Variants in DIP2B observed in about 807,000 individuals in gnomAD.
DIP2B encodes the protein DIP2 acetate--CoA ligase B (putative).
A neutral mutation model predicts 198.0 loss-of-function variants in DIP2B; 76 were observed. The ratio of observed to expected loss-of-function variants is 0.38; its 90% CI spans 0.32 to 0.46. DIP2B has a LOEUF of 0.46. Among genes scored for constraint, DIP2B ranks in the 20% least tolerant of loss-of-function variants. The pLI, the probability that DIP2B is intolerant of heterozygous loss-of-function variation, is 0.99. For missense variants in DIP2B, 1,559 were observed against 1,978.4 expected (o/e 0.79, Z 4.02); for synonymous variants, 701 against 739.1 (o/e 0.95, Z 0.84).
chr12:50,578,439 A>G (rs1227215605), intron 1 of DIP2B, among the ~76,000 whole-genome samples: 3 of 152,044 alleles, frequency 2.0e-5, no homozygotes, highest in Admixed American at 1.3e-4. Context: ...TTCATTATAT[A>G]GAATCAAAAA....
chr12:50,742,952 ACT>A (rs1940279787), intron 37 of DIP2B, among the ~76,000 whole-genome samples: 1 of 151,824 alleles, frequency 6.6e-6, no homozygotes, highest in Non-Finnish European at 1.5e-5. Context: ...CCTGAACAAG[ACT>A]CTGACCAAGA....
chr12:50,542,164 C>T (rs1297795592), intron 1 of DIP2B, among the ~76,000 whole-genome samples: 4 of 147,204 alleles, frequency 2.7e-5, no homozygotes, highest in Non-Finnish European at 4.5e-5. Flanking sequence ...AGGAGAATGG[C>T]GTGAACCCGG....
At chr12:50,530,511 A>G (rs1958207294) in intron 1 of DIP2B, among the ~76,000 whole-genome samples, 1 of 152,180 alleles carries the variant, frequency 6.6e-6, no homozygotes, top group African/African-American at 2.4e-5. Flanking sequence ...CTTAGAGGAG[A>G]ATAGTTTCAG....
intron 35 of DIP2B, among the ~76,000 whole-genome samples, chr12:50,738,617 G>A (rs1940180246): frequency 6.6e-6 from 1 of 152,118 alleles, no homozygotes; most frequent in Non-Finnish European, 1.5e-5. Context: ...CTGTGTAGCT[G>A]GCATTACCAG....
In DIP2B at chr12:50,567,628, A is replaced by G. The variant is rs1039797295; in HGVS notation, c.101-58348A>G. On this transcript the variant is annotated intron_variant, in intron 1 of 37. Transcript: ENST00000301180. ...CTGCAACCTTTACCACCCGGGTTCA[A>G]GCAATTCTCCTGCTTCAGCCTCCCA... Among the ~76,000 whole-genome samples the G allele has an allele frequency of 2.6e-5, 4 of 152,278 alleles. No homozygotes were observed. The South Asian group carries it at 8.3e-4, about 32-fold the overall frequency.
chr12:50,646,592 T>C (rs531043533), intron 3 of DIP2B, among the ~76,000 whole-genome samples: 1 of 152,182 alleles, frequency 6.6e-6, no homozygotes, highest in African/African-American at 2.4e-5. Context: ...CAGCTAATTT[T>C]TGTATTTTTA....
chr12:50,709,459 C>G (rs1242233316), intron 22 of DIP2B, among the ~76,000 whole-genome samples: 1 of 151,470 alleles, frequency 6.6e-6, no homozygotes, highest in South Asian at 2.1e-4. Flanking sequence ...GGTGAAACCC[C>G]GTCTCTACTA....
intron 1 of DIP2B, among the ~76,000 whole-genome samples, chr12:50,597,441 CT>C (rs1565838709): frequency 6.6e-6 from 1 of 152,172 alleles, no homozygotes; most frequent in African/African-American, 2.4e-5. Flanking sequence ...AGCTATCTCA[CT>C]TTTTTGATTA....
In DIP2B at chr12:50,674,580, A is replaced by G. The variant is rs766670186; in HGVS notation, c.747A>G (p.Lys249=). The change falls in exon 6 of 38, where the codon AAA becomes AAG. Residue 249 remains lysine, a synonymous_variant. Coordinates refer to ENST00000301180, the MANE Select transcript of DIP2B (RefSeq NM_173602.3). ...ACCTGCCCCCCTCGGGGATAGTTAA[A>G]GGCATGCACAAAGGATCCAACAGGT... The part of the protein sequence containing the change: ...NIDLPPSGIV[K]GMHKGSNRSS... The G allele has an allele frequency of 9.9e-6, 16 of 1,614,108 alleles. No individual in the cohort carries two copies. Among genetic ancestry groups the G allele is most frequent in the Non-Finnish European group, 1.4e-5 (16 of 1,180,042 alleles).
rs72095442 is a variant in DIP2B at position 50,534,369 on chromosome 12, A to ATTTTTTTTTTTT, written c.100+29139_100+29150dup. Among the ~76,000 whole-genome samples the ATTTTTTTTTTTT allele has an allele frequency of 1.9e-5, 2 of 107,870 alleles. 1 individual carries two copies. Among genetic ancestry groups the ATTTTTTTTTTTT allele is most frequent in the African/African-American group, 7.2e-5 (2 of 27,704 alleles). The allele number at this position is 107,870 out of a possible 152,430, so 70.8% of individuals were successfully genotyped here. On this transcript the variant is annotated intron_variant, in intron 1 of 37. Transcript: ENST00000301180. ...GACTCTTTTTACACATTCTCATTTC[A>ATTTTTTTTTTTT]TTTTTTTTTTTTTTTTTTTTTGAGA...
chr12:50,720,644 C>A (rs1316442), intron 25 of DIP2B, among the ~76,000 whole-genome samples: 48,359 of 151,800 alleles, frequency 0.32, 7,879 homozygotes, highest in South Asian at 0.36. Context: ...CAGCCAGGCA[C>A]GGTGGCTCAT....
rs757327971 is a variant in DIP2B, at chr12:50,728,682, G to A, written c.3641+4G>A. The A allele has an allele frequency of 8.1e-6, 13 of 1,613,464 alleles. No homozygotes were observed. In the African/African-American group the frequency reaches 1.2e-4, roughly 15 times the overall value. On this transcript the variant is annotated splice_donor_region_variant and intron_variant, in intron 30 of 37. Transcript: ENST00000301180. The stretch of plus-strand genomic sequence containing the variant: ...TCGCGCTCTGGTGTCTCTGCAGGTA[G>A]GGATGGAAAAGCCAAGGAGACAGAA...
At position 50,675,318 on chromosome 12, in the gene DIP2B, T is replaced by G; in HGVS notation, c.797-11T>G. On this transcript the variant is annotated splice_polypyrimidine_tract_variant and intron_variant, in intron 6 of 37. Transcript: ENST00000301180. ...CAATGAATTTTAACTTAACCATTTT[T>G]TCCCTTATAGGTGTTCCTGTCAGTA... The G allele has an allele frequency of 6.2e-7, 1 of 1,608,312 alleles. No individual in the cohort carries two copies. Among genetic ancestry groups the G allele is most frequent in the Non-Finnish European group, 8.5e-7 (1 of 1,176,938 alleles).
intron 1 of DIP2B, among the ~76,000 whole-genome samples, chr12:50,531,168 C>T (rs940743880): frequency 2.6e-5 from 4 of 152,218 alleles, no homozygotes; most frequent in Non-Finnish European, 5.9e-5. Context: ...GCCTCAGCCT[C>T]CCGAGTAGCT....
At chr12:50,658,135 GTT>G (rs1172491745) in intron 3 of DIP2B, among the ~76,000 whole-genome samples, 3 of 151,806 alleles carry the variant, frequency 2.0e-5, no homozygotes, top group African/African-American at 7.3e-5. Flanking sequence ...AATTTCTGGG[GTT>G]TGTTGTTTTG....
chr12:50,610,019 A>T (rs1959018208), intron 1 of DIP2B, among the ~76,000 whole-genome samples: 1 of 152,234 alleles, frequency 6.6e-6, no homozygotes, highest in Non-Finnish European at 1.5e-5. Context: ...GAATTTTAAT[A>T]AAGTTTTTAA....
At chr12:50,619,925 A>G (rs1284840549) in intron 1 of DIP2B, among the ~76,000 whole-genome samples, 1 of 152,224 alleles carries the variant, frequency 6.6e-6, no homozygotes. Context: ...GCTGGGTGTG[A>G]TAGCACACCC....
At chr12:50,670,404 G>GTATGTTT (rs1565865319) in intron 4 of DIP2B, among the ~76,000 whole-genome samples, 2 of 151,802 alleles carry the variant, frequency 1.3e-5, no homozygotes, top group East Asian at 3.9e-4. Context: ...TGTTTGGCAC[G>GTATGTTT]TATGTTTTTT....
intron 1 of DIP2B, among the ~76,000 whole-genome samples, chr12:50,563,886 A>ATT (rs35461546): frequency 3.3e-5 from 5 of 151,500 alleles, no homozygotes; most frequent in Admixed American, 2.0e-4. Context: ...TGCTGGATTT[A>ATT]TTTTTTTAGT....
Sources: gnomAD v4.1 joint callset for allele counts (sites outside exome capture counted in the v4.1 genomes callset) on GRCh38, gnomAD v4.1.1 for gene constraint, MANE v1.5 for transcripts, NCBI Gene and HGNC (gene_info 2026-07-23, HGNC 2026-07-21) for gene names.